The following C16orf74 variants were observed in gnomAD, a reference collection of about 807,000 sequenced individuals.
The protein encoded by C16orf74 is uncharacterized protein C16orf74.
A neutral mutation model predicts 6.5 loss-of-function variants in C16orf74; 10 were observed. The ratio of observed to expected loss-of-function variants is 1.54; its 90% CI spans 0.95 to 2.61. The LOEUF (loss-of-function observed/expected upper bound fraction) is 2.61, where lower values mean the gene tolerates loss of function less well. C16orf74 is among the 30% of genes most tolerant of loss of function. The probability of loss-of-function intolerance (pLI) is 0.00; values close to 1 mark genes in which losing one functional copy is unlikely to be tolerated. For missense variants in C16orf74, 141 were observed against 105.9 expected, an observed-to-expected ratio of 1.33 and a Z score of -1.45; for synonymous variants, 60 against 42.5, an observed-to-expected ratio of 1.41 and a Z score of -1.60.
intron 2 of C16orf74, among the ~76,000 whole-genome samples, chr16:85,716,233 C>G (rs532870870): frequency 6.7e-6 from 1 of 148,658 alleles, no homozygotes; most frequent in Admixed American, 6.7e-5. Flanking sequence ...GCAGAAGTCT[C>G]GGAGGAGAGG....
chr16:85,734,954 GCCC>G (rs2054227892), intron 2 of C16orf74, among the ~76,000 whole-genome samples: 1 of 152,186 alleles, frequency 6.6e-6, no homozygotes, highest in African/African-American at 2.4e-5. Context: ...GGAAACTGAG[GCCC>G]CAAGGCACTG....
intron 2 of C16orf74, among the ~76,000 whole-genome samples, chr16:85,724,070 G>A (rs537674937): frequency 3.9e-5 from 6 of 151,986 alleles, no homozygotes; most frequent in South Asian, 2.1e-4. Flanking sequence ...CAGTGGCACC[G>A]GGCTACGTTT....
chr16:85,745,351 T>C (rs1393064044), intron 1 of C16orf74, among the ~76,000 whole-genome samples: 2 of 152,028 alleles, frequency 1.3e-5, no homozygotes, highest in African/African-American at 4.8e-5. Context: ...CAGGGACAGG[T>C]CCCACTTCCA....
chr16:85,747,504 G>T (rs780068633), intron 1 of C16orf74, among the ~76,000 whole-genome samples: 1 of 152,046 alleles, frequency 6.6e-6, no homozygotes, highest in Non-Finnish European at 1.5e-5. Flanking sequence ...TACCCATAGG[G>T]AAACCATGGC....
rs142493167 is a variant in C16orf74, at chr16:85,746,269, G to C, written c.-19+4657C>G. Among the ~76,000 whole-genome samples, 998 of 152,296 alleles carry C rather than the reference G, an allele frequency of 6.6e-3. 8 individuals carry two copies. The highest frequency in any genetic ancestry group is 0.023 in the African/African-American group (965 of 41,558). ...GGAGGCCGAGGCAGGAGAATCGCTT[G>C]AACTTGGGAGACAGAGGCTGCAGCT... On this transcript the variant is annotated intron_variant, in intron 1 of 3. Coordinates refer to ENST00000284245, the MANE Select transcript of C16orf74 (RefSeq NM_206967.3).
intron 1 of C16orf74, among the ~76,000 whole-genome samples, chr16:85,738,216 G>T (rs1307728363): frequency 1.3e-4 from 19 of 151,940 alleles, no homozygotes; most frequent in Admixed American, 1.2e-3. Context: ...CTTCACGCCA[G>T]CCTGGGTGAC....
At chr16:85,744,488 C>T (rs890665173) in intron 1 of C16orf74, among the ~76,000 whole-genome samples, 2 of 152,014 alleles carry the variant, frequency 1.3e-5, no homozygotes, top group African/African-American at 4.8e-5. Flanking sequence ...ATTATTTGCA[C>T]AACAGCTTGA....
intron 2 of C16orf74, among the ~76,000 whole-genome samples, chr16:85,730,124 G>A (rs983632501): frequency 6.6e-6 from 1 of 152,172 alleles, no homozygotes; most frequent in Non-Finnish European, 1.5e-5. Context: ...AGGAGGAGGT[G>A]GCGAGGGCTG....
chr16:85,709,248 G>A (rs979209661), intron 3 of C16orf74, among the ~76,000 whole-genome samples: 20 of 152,190 alleles, frequency 1.3e-4, no homozygotes, highest in Non-Finnish European at 2.5e-4. Flanking sequence ...CAGCTACTCA[G>A]GAGGCTGAGG....
At chr16:85,734,839 C>T (rs574875606) in intron 2 of C16orf74, among the ~76,000 whole-genome samples, 6 of 152,314 alleles carry the variant, frequency 3.9e-5, no homozygotes, top group South Asian at 2.1e-4. Context: ...TAACAGGCCC[C>T]GGGTGTGTCC....
intron 1 of C16orf74, among the ~76,000 whole-genome samples, chr16:85,750,015 G>A (rs1198468411): frequency 6.6e-6 from 1 of 152,224 alleles, no homozygotes; most frequent in East Asian, 1.9e-4. Flanking sequence ...ACCCAGCCCA[G>A]GACAGGGGCC....
At chr16:85,731,001 G>A (rs553141108) in intron 2 of C16orf74, among the ~76,000 whole-genome samples, 2 of 152,172 alleles carry the variant, frequency 1.3e-5, no homozygotes, top group Non-Finnish European at 2.9e-5. Flanking sequence ...AATCGTACCC[G>A]TTTCTTTGTA....
intron 3 of C16orf74, among the ~76,000 whole-genome samples, chr16:85,709,691 G>GAAGA (rs1422844639): frequency 6.6e-6 from 1 of 152,180 alleles, no homozygotes; most frequent in Non-Finnish European, 1.5e-5. Flanking sequence ...CTCTCCCTGG[G>GAAGA]AAGAACTCTA....
chr16:85,721,284 C>T (rs1257813356), intron 2 of C16orf74, among the ~76,000 whole-genome samples: 1 of 152,008 alleles, frequency 6.6e-6, no homozygotes, highest in Non-Finnish European at 1.5e-5. Context: ...GACCCAGGGT[C>T]CCCTAGCCTT....
At chr16:85,743,042 C>A (rs762762497) in intron 1 of C16orf74, among the ~76,000 whole-genome samples, 10 of 152,186 alleles carry the variant, frequency 6.6e-5, no homozygotes, top group African/African-American at 9.6e-5. Context: ...CACTACGTGG[C>A]CCCAATTCCA....
At chr16:85,710,359 G>C in intron 2 of C16orf74, 52 bp from the exon 3 acceptor site, 2 of 1,425,884 alleles carry the variant, frequency 1.4e-6, no homozygotes, top group East Asian at 6.0e-5. Context: ...CAGAGAGACA[G>C]GCATCAGTGG....
intron 1 of C16orf74, among the ~76,000 whole-genome samples, chr16:85,750,602 C>G (rs1274930659): frequency 1.3e-5 from 2 of 152,240 alleles, no homozygotes; most frequent in African/African-American, 4.8e-5. Context: ...TGGTCCATTC[C>G]CAAGGAACTC....
At chr16:85,729,949 C>A (rs2054171112) in intron 2 of C16orf74, among the ~76,000 whole-genome samples, 1 of 152,204 alleles carries the variant, frequency 6.6e-6, no homozygotes, top group Admixed American at 6.5e-5. Context: ...ACAGCAGCCA[C>A]CGGACAGTCA....
chr16:85,713,189 T>C (rs2053987033), intron 2 of C16orf74, among the ~76,000 whole-genome samples: 1 of 152,112 alleles, frequency 6.6e-6, no homozygotes, highest in African/African-American at 2.4e-5. Context: ...CAATCTGGCG[T>C]TCCTAGGCTC....
Sources: allele counts gnomAD v4.1 joint callset (sites outside exome capture counted in the v4.1 genomes callset), GRCh38; gene constraint gnomAD v4.1.1; transcripts MANE v1.5; gene names NCBI Gene and HGNC (gene_info 2026-07-23, HGNC 2026-07-21).